SMYD3: variants seen among roughly 807,000 people sequenced by gnomAD.
The protein encoded by SMYD3 is histone-lysine N-methyltransferase SMYD3.
SMYD3 carries 36 observed loss-of-function variants against 57.7 expected under a neutral mutation model. The ratio of observed to expected loss-of-function variants is 0.62; its 90% CI spans 0.48 to 0.82. SMYD3 has a LOEUF of 0.82. Among genes scored for constraint, SMYD3 ranks in the 40% least tolerant of loss-of-function variants. The pLI is 0.00. For synonymous variants in SMYD3, 211 were observed against 195.0 expected, an observed-to-expected ratio of 1.08 and a Z score of -0.68; for missense variants, 515 against 538.8, an observed-to-expected ratio of 0.96 and a Z score of 0.44.
intron 1 of SMYD3, among the ~76,000 whole-genome samples, chr1:246,463,728 C>T (rs1473308029): frequency 2.9e-5 from 4 of 139,898 alleles, no homozygotes; most frequent in Middle Eastern, 4.2e-3. Flanking sequence ...CCCAGCTACT[C>T]GGGAAGCTGA....
At chr1:245,892,626 T>G (rs1290136059) in intron 8 of SMYD3, among the ~76,000 whole-genome samples, 1 of 152,218 alleles carries the variant, frequency 6.6e-6, no homozygotes, top group Admixed American at 6.5e-5. Context: ...GTACTCTTTG[T>G]ATAATATCCT....
At chr1:246,039,346 C>G (rs190848621) in intron 5 of SMYD3, among the ~76,000 whole-genome samples, 238 of 152,234 alleles carry the variant, frequency 1.6e-3, no homozygotes, top group Non-Finnish European at 2.9e-3. Context: ...TAGATGTAAA[C>G]ATAGGTATAT....
At chr1:246,065,480 T>A (rs990751825) in intron 5 of SMYD3, among the ~76,000 whole-genome samples, 3 of 152,144 alleles carry the variant, frequency 2.0e-5, no homozygotes, top group African/African-American at 7.2e-5. Context: ...AAAGAAGTAA[T>A]CACCCTAAAA....
At position 246,379,081 on chromosome 1, in the gene SMYD3, TACAC is replaced by T. The variant is rs34560740; in HGVS notation, c.165-23991_165-23988del. Among the ~76,000 whole-genome samples the T allele has an allele frequency of 5.4e-4, 70 of 130,520 alleles. 1 individual carries two copies. The highest frequency in any genetic ancestry group is 1.7e-3 in the African/African-American group (62 of 35,692). 85.6% of individuals were successfully genotyped at this position (130,520 alleles called of 152,430 possible). A position where few individuals can be genotyped will look rare whatever the true frequency, so the allele number is the denominator to read the frequency against. ...ATATATATACTTACACACACATACA[TACAC>T]ACACACACACACACACACACACACA... is the stretch of plus-strand genomic sequence containing the variant. On this transcript the variant is annotated intron_variant, in intron 1 of 11. Transcript: ENST00000490107.
intron 1 of SMYD3, among the ~76,000 whole-genome samples, chr1:246,415,043 G>C (rs2067038616): frequency 6.6e-6 from 1 of 152,004 alleles, no homozygotes; most frequent in Non-Finnish European, 1.5e-5. Context: ...CATCCACATT[G>C]GGTAAATCCT....
Position 246,212,574 on chromosome 1 carries a change from T to C in SMYD3, c.531+114627A>G, listed in dbSNP as rs139081264. 2.0e-3 allele frequency among the ~76,000 whole-genome samples: 292 copies of C among 146,650 alleles called. 1 individual carries two copies. The highest frequency in any genetic ancestry group is 7.1e-3 in the African/African-American group (286 of 40,548). On this transcript the variant is annotated intron_variant, in intron 5 of 11. Coordinates refer to ENST00000490107, the MANE Select transcript of SMYD3 (RefSeq NM_001167740.2). ...TTTTTTGTATTGACTGTCTACTGCA[T>C]ATTTGGTCACCGAAAAATGTCCCAA...
chr1:246,486,287 G>A (rs2068186732), intron 1 of SMYD3, among the ~76,000 whole-genome samples: 1 of 152,090 alleles, frequency 6.6e-6, no homozygotes, highest in African/African-American at 2.4e-5. Context: ...TGACAACAAA[G>A]CTCCTTAACA....
intron 5 of SMYD3, among the ~76,000 whole-genome samples, chr1:245,973,524 G>A (rs2058351733): frequency 6.6e-6 from 1 of 152,284 alleles, no homozygotes; most frequent in East Asian, 1.9e-4. Context: ...AAAATAAGTA[G>A]CTTATTGTGT....
chr1:246,043,453 C>T (rs1168533269), intron 5 of SMYD3, among the ~76,000 whole-genome samples: 1 of 152,132 alleles, frequency 6.6e-6, no homozygotes, highest in African/African-American at 2.4e-5. Flanking sequence ...TGAGATAGAA[C>T]CAACACAACC....
At chr1:245,967,488 T>C (rs1022617592) in intron 5 of SMYD3, among the ~76,000 whole-genome samples, 12 of 152,162 alleles carry the variant, frequency 7.9e-5, no homozygotes, top group African/African-American at 2.9e-4. Flanking sequence ...GTCAAATGCA[T>C]AGGGGCATTT....
At chr1:245,882,954 T>A (rs373991521) in intron 8 of SMYD3, among the ~76,000 whole-genome samples, 1 of 152,224 alleles carries the variant, frequency 6.6e-6, no homozygotes, top group Non-Finnish European at 1.5e-5. Flanking sequence ...TACACTCTTT[T>A]TAGAAAGGGT....
At chr1:245,864,145 C>T in intron 8 of SMYD3, among the ~76,000 whole-genome samples, 1 of 152,182 alleles carries the variant, frequency 6.6e-6, no homozygotes, top group East Asian at 1.9e-4. Flanking sequence ...ATACACTGCA[C>T]ATGAGAATGC....
chr1:245,796,152 A>G (rs899686543), intron 10 of SMYD3, among the ~76,000 whole-genome samples: 3 of 152,196 alleles, frequency 2.0e-5, no homozygotes, highest in African/African-American at 7.2e-5. Context: ...AAGACAGCAG[A>G]CTTCTTGGGT....
intron 5 of SMYD3, among the ~76,000 whole-genome samples, chr1:246,289,126 A>G (rs2064635536): frequency 6.6e-6 from 1 of 152,214 alleles, no homozygotes; most frequent in South Asian, 2.1e-4. Flanking sequence ...AAAAGAAAAT[A>G]ATAATCTTAA....
At chr1:246,035,381 G>C (rs2059754712) in intron 5 of SMYD3, 1 of 152,182 alleles carries the variant, frequency 6.6e-6, no homozygotes, top group African/African-American at 2.4e-5. Flanking sequence ...GGAAGTTTCT[G>C]AGTTGAAGTA....
At chr1:246,396,548 T>C (rs2066676124) in intron 1 of SMYD3, among the ~76,000 whole-genome samples, 1 of 152,232 alleles carries the variant, frequency 6.6e-6, no homozygotes, top group African/African-American at 2.4e-5. Context: ...CATCGGTTTA[T>C]TTTGATACTT....
chr1:246,268,982 A>G (rs938750043), intron 5 of SMYD3, among the ~76,000 whole-genome samples: 1 of 152,202 alleles, frequency 6.6e-6, no homozygotes, highest in Non-Finnish European at 1.5e-5. Flanking sequence ...GCTGAAGAGT[A>G]AAAAGTTACA....
chr1:245,868,577 G>T (rs1426639235), intron 8 of SMYD3, among the ~76,000 whole-genome samples: 1 of 152,160 alleles, frequency 6.6e-6, no homozygotes, highest in Non-Finnish European at 1.5e-5. Flanking sequence ...AACATAACCT[G>T]ATTAGCTGTT....
intron 5 of SMYD3, among the ~76,000 whole-genome samples, chr1:246,014,684 T>G (rs2059346273): frequency 6.6e-6 from 1 of 152,198 alleles, no homozygotes; most frequent in Admixed American, 6.5e-5. Flanking sequence ...GATAACTTCT[T>G]TTAATTTCCT....
Sources: allele counts gnomAD v4.1 joint callset (sites outside exome capture counted in the v4.1 genomes callset), GRCh38; gene constraint gnomAD v4.1.1; transcripts MANE v1.5; gene names NCBI Gene and HGNC (gene_info 2026-07-23, HGNC 2026-07-21).